Variants in SPOCK2 observed in about 807,000 individuals in gnomAD.
SPOCK2 encodes testican-2.
A neutral mutation model predicts 60.1 loss-of-function variants in SPOCK2; 39 were observed. The ratio of observed to expected loss-of-function variants is 0.65; its 90% CI spans 0.50 to 0.85. The LOEUF is 0.85. SPOCK2 is among the 40% of genes least tolerant of loss of function. The pLI, the probability that SPOCK2 is intolerant of heterozygous loss-of-function variation, is 0.00. For missense variants in SPOCK2, 523 were observed against 567.4 expected (o/e 0.92, Z 0.80); for synonymous variants, 217 against 231.5 (o/e 0.94, Z 0.57).
rs1840507496 is a variant in SPOCK2 at position 72,062,686 on chromosome 10, C to T, written c.*74G>A. On this transcript the variant is annotated 3_prime_UTR_variant, in exon 11 of 11. Coordinates refer to ENST00000373109, the MANE Select transcript of SPOCK2 (RefSeq NM_001244950.2). The surrounding 1 kb of genome is among the most constrained non-coding windows in gnomAD (Gnocchi z 4.3). ...GTCCTTCTGACTGCATTTCTGGATC[C>T]GTTCTCGAAGTTGCCTGCTGCTGCT... The T allele has an allele frequency of 7.8e-6, 12 of 1,532,416 alleles. No individual in the cohort carries two copies. Among genetic ancestry groups the T allele is most frequent in the South Asian group, 4.9e-5 (4 of 81,052 alleles). 94.9% of individuals were successfully genotyped at this position (1,532,416 alleles called of 1,614,324 possible).
Position 72,070,510 on chromosome 10 carries a change from C to A in SPOCK2, c.360-84G>T, listed in dbSNP as rs986210412. 12 of 1,323,358 alleles carry A rather than the reference C, an allele frequency of 9.1e-6. No homozygotes were observed. The African/African-American group carries it at 1.4e-4, about 16-fold the overall frequency. 82.0% of individuals were successfully genotyped at this position (1,323,358 alleles called of 1,614,324 possible). On this transcript the variant is annotated intron_variant, in intron 4 of 10. Coordinates refer to ENST00000373109, the MANE Select transcript of SPOCK2 (RefSeq NM_001244950.2). ...GAAGGGAGGGCTGAGCAGACCTGTT[C>A]CAACAGGAAGGCAGCAGCAATCTTC...
intron 1 of SPOCK2, among the ~76,000 whole-genome samples, chr10:72,083,405 T>G (rs2131823484): frequency 6.6e-6 from 1 of 152,268 alleles, no homozygotes; most frequent in Non-Finnish European, 1.5e-5. Context: ...CCCAGAAAGG[T>G]GAAGTGGCTG....
chr10:72,086,977 G>A, intron 1 of SPOCK2: 1 of 1,551,606 alleles, frequency 6.4e-7, no homozygotes, highest in Non-Finnish European at 8.7e-7. Flanking sequence ...GTACTGGGTG[G>A]GTCGGACGAG....
intron 5 of SPOCK2, chr10:72,070,045 A>G (rs768627743): frequency 4.2e-5 from 16 of 380,962 alleles, no homozygotes; most frequent in Non-Finnish European, 7.2e-5. Context: ...CAGTTACCTG[A>G]CCATAGTGTC....
rs1008372548 is a variant in SPOCK2 at position 72,068,386 on chromosome 10, G to A, written c.475-85C>T. 57 of 1,388,284 alleles carry A rather than the reference G, an allele frequency of 4.1e-5. No homozygotes were observed. The Admixed American group carries it at 7.8e-4, about 19-fold the overall frequency. The allele number at this position is 1,388,284 out of a possible 1,614,324, so 86.0% of individuals were successfully genotyped here. ...TGGGGACACCCTCAAGCCTCTCATGGCAGCCACATCTGCCTCCCCCCATGG... is the reference window on the plus strand; with the variant it reads ...TGGGGACACCCTCAAGCCTCTCATGACAGCCACATCTGCCTCCCCCCATGG... On this transcript the variant is annotated intron_variant, in intron 5 of 10. Transcript: ENST00000373109.
Position 72,062,840 on chromosome 10 carries a change from C to A in SPOCK2, c.1195G>T (p.Glu399Ter). ...GCCTCCTCGCCTGCTTCCTCCGTCTCCTTCTCCTCCTCATCCTCCCAGCCG... is the reference window on the plus strand; with the variant it reads ...GCCTCCTCGCCTGCTTCCTCCGTCTACTTCTCCTCCTCATCCTCCCAGCCG... Reference protein sequence around the residue: ...GVGWEDEEEKETEEAGEEAEE... With the variant: ...GVGWEDEEEK Residue 399 changes from glutamate to a stop codon, truncating the protein, a stop_gained, in exon 11 of 11, where the codon GAG (glutamate) becomes TAG (stop). Transcript: ENST00000373109. LOFTEE classifies it high-confidence loss of function. The surrounding 1 kb of genome is among the most constrained non-coding windows in gnomAD (Gnocchi z 4.3). 1 of 1,608,358 alleles carries A rather than the reference C, an allele frequency of 6.2e-7. No individual in the cohort carries two copies.
At chr10:72,086,948 T>A in intron 1 of SPOCK2, 1 of 1,551,416 alleles carries the variant, frequency 6.4e-7, no homozygotes, top group East Asian at 2.4e-5. Context: ...ACGGGAGAGG[T>A]CATGGTGTGG....
At position 72,059,879 on chromosome 10, in the gene SPOCK2, C is replaced by T. The variant is rs183263944; in HGVS notation, c.*2881G>A. The stretch of plus-strand genomic sequence containing the variant: ...AACCTACCAGATCTGACATCCACCT[C>T]CCCCAGCACCCATGGGCCAAGGAGG... On this transcript the variant is annotated 3_prime_UTR_variant, in exon 11 of 11. Transcript: ENST00000373109. 1.3e-4 allele frequency: 20 copies of T among 153,034 alleles called. No homozygotes were observed. Among genetic ancestry groups the T allele is most frequent in the African/African-American group, 4.8e-4 (20 of 41,576 alleles). 9.5% of individuals were successfully genotyped at this position (153,034 alleles called of 1,614,324 possible).
In SPOCK2 at chr10:72,070,304, C is replaced by G; in HGVS notation, c.474+8G>C. 1 of 1,613,780 alleles carries G rather than the reference C, an allele frequency of 6.2e-7. No individual in the cohort carries two copies. Among genetic ancestry groups the G allele is most frequent in the Non-Finnish European group, 8.5e-7 (1 of 1,179,770 alleles). ...ACCCCCACCCTACCTGGGGCCTGGG[C>G]TCCTCACCACAGAGCTGTAAGTGTG... On this transcript the variant is annotated splice_region_variant and intron_variant, in intron 5 of 10. Transcript: ENST00000373109.
rs1177990342 is a variant in SPOCK2 at position 72,070,520 on chromosome 10, G to C, written c.360-94C>G. 7 of 1,207,956 alleles carry C rather than the reference G, an allele frequency of 5.8e-6. No homozygotes were observed. In the African/African-American group the frequency reaches 1.0e-4, roughly 18 times the overall value. The allele number at this position is 1,207,956 out of a possible 1,614,324, so 74.8% of individuals were successfully genotyped here. ...CTGAGCAGACCTGTTCCAACAGGAA[G>C]GCAGCAGCAATCTTCAGCAGATCAG... is the stretch of plus-strand genomic sequence containing the variant. On this transcript the variant is annotated intron_variant, in intron 4 of 10. Coordinates refer to ENST00000373109, the MANE Select transcript of SPOCK2 (RefSeq NM_001244950.2).
chr10:72,070,750 C>T (rs1490233472), intron 4 of SPOCK2, among the ~76,000 whole-genome samples: 1 of 152,030 alleles, frequency 6.6e-6, no homozygotes, highest in African/African-American at 2.4e-5. Flanking sequence ...GGGGTCAGAC[C>T]AAATCTGAGG....
intron 1 of SPOCK2, among the ~76,000 whole-genome samples, chr10:72,077,949 G>A (rs978132838): frequency 1.2e-4 from 18 of 152,162 alleles, no homozygotes; most frequent in African/African-American, 3.4e-4. Context: ...TCTTCCACAC[G>A]GCTGCGGCCA....
In SPOCK2 at chr10:72,087,136, G is replaced by T; in HGVS notation, c.189+1004C>A. Reference sequence around the variant, plus strand: ...CCCACAGCACCCCCAACGATCTCGGGGTCCAGCCACACCCTCCGCCCGCCC... The same window carrying T: ...CCCACAGCACCCCCAACGATCTCGGTGTCCAGCCACACCCTCCGCCCGCCC... On this transcript the variant is annotated intron_variant, in intron 1 of 10. Coordinates refer to ENST00000373109, the MANE Select transcript of SPOCK2 (RefSeq NM_001244950.2). This position sits in a 1 kb window ranked among gnomAD's most constrained non-coding sequence, Gnocchi z 4.7. 1 of 920,016 alleles carries T rather than the reference G, an allele frequency of 1.1e-6. No individual in the cohort carries two copies. The highest frequency in any genetic ancestry group is 1.6e-6 in the Non-Finnish European group (1 of 634,120). 57.0% of individuals were successfully genotyped at this position (920,016 alleles called of 1,614,324 possible). A position where few individuals can be genotyped will look rare whatever the true frequency, so the allele number is the denominator to read the frequency against.
Position 72,063,307 on chromosome 10 carries a change from CCAGATGCTGAGAGCTGGACACCAGCCAG to C in SPOCK2, c.992-173_992-146del, listed in dbSNP as rs1442018512. On this transcript the variant is annotated intron_variant, in intron 9 of 10. Coordinates refer to ENST00000373109, the MANE Select transcript of SPOCK2 (RefSeq NM_001244950.2). ...ACCGGGTGCTGACCCCCCAACAGGC[CCAGATGCTGAGAGCTGGACACCAGCCAG>C]CAATTCTTTCGGCTCTACTCGCTGG... is the stretch of plus-strand genomic sequence containing the variant. The C allele has an allele frequency of 4.6e-5, 56 of 1,222,048 alleles. No individual in the cohort carries two copies. In the African/African-American group the frequency reaches 8.5e-4, roughly 19 times the overall value. 75.7% of individuals were successfully genotyped at this position (1,222,048 alleles called of 1,614,324 possible).
Position 72,061,896 on chromosome 10 carries a change from C to A in SPOCK2, c.*864G>T. On this transcript the variant is annotated 3_prime_UTR_variant, in exon 11 of 11. Coordinates refer to ENST00000373109, the MANE Select transcript of SPOCK2 (RefSeq NM_001244950.2). ...CTCCCCCAGGCTCTGCAGCCACAGCCTCCTCCTGCTGAGCCGACCCCCTCT... is the reference window on the plus strand; with the variant it reads ...CTCCCCCAGGCTCTGCAGCCACAGCATCCTCCTGCTGAGCCGACCCCCTCT... 1 of 153,908 alleles carries A rather than the reference C, an allele frequency of 6.5e-6. No homozygotes were observed. The highest frequency in any genetic ancestry group is 1.4e-5 in the Non-Finnish European group (1 of 69,182). 9.5% of individuals were successfully genotyped at this position (153,908 alleles called of 1,614,324 possible). A position where few individuals can be genotyped will look rare whatever the true frequency, so the allele number is the denominator to read the frequency against.
intron 1 of SPOCK2, among the ~76,000 whole-genome samples, chr10:72,073,661 C>G (rs1341339332): frequency 1.3e-5 from 2 of 152,226 alleles, no homozygotes; most frequent in East Asian, 3.9e-4. Context: ...ATGCCCAGCA[C>G]AGACCACTTT....
Position 72,088,419 on chromosome 10 carries a change from T to C in SPOCK2, c.-91A>G. 1 of 1,394,314 alleles carries C rather than the reference T, an allele frequency of 7.2e-7. No individual in the cohort carries two copies. Among genetic ancestry groups the C allele is most frequent in the Non-Finnish European group, 9.4e-7 (1 of 1,062,906 alleles). 86.4% of individuals were successfully genotyped at this position (1,394,314 alleles called of 1,614,324 possible). ...CCGCTGCTGGCGAAGCGCACGCGGCTGTCCTCAGCTCTCCTCCCGCGGTCT... is the reference window on the plus strand; with the variant it reads ...CCGCTGCTGGCGAAGCGCACGCGGCCGTCCTCAGCTCTCCTCCCGCGGTCT... On this transcript the variant is annotated 5_prime_UTR_variant, in exon 1 of 11. Transcript: ENST00000373109.
rs1300611501 is a variant in SPOCK2 at position 72,059,087 on chromosome 10, C to T, written c.*3673G>A. On this transcript the variant is annotated 3_prime_UTR_variant, in exon 11 of 11. Transcript: ENST00000373109. Reference sequence around the variant, plus strand: ...TTTCTTAAAAATAACATTTGATTTCCTTTATGCATGTGTGGAGTGTACTTG... The same window carrying T: ...TTTCTTAAAAATAACATTTGATTTCTTTTATGCATGTGTGGAGTGTACTTG... 2.0e-5 allele frequency: 3 copies of T among 152,518 alleles called. No individual in the cohort carries two copies. The highest frequency in any genetic ancestry group is 7.3e-5 in the African/African-American group (3 of 41,362). 9.4% of individuals were successfully genotyped at this position (152,518 alleles called of 1,614,324 possible). A position where few individuals can be genotyped will look rare whatever the true frequency, so the allele number is the denominator to read the frequency against.
upstream of SPOCK2, chr10:72,088,603 ACAT>A: frequency 2.7e-6 from 1 of 373,510 alleles, no homozygotes; most frequent in Non-Finnish European, 4.8e-6. Context: ...ATCACGTTTG[ACAT>A]CATCATACCT....
Sources: gnomAD v4.1 joint callset for allele counts (sites outside exome capture counted in the v4.1 genomes callset) on GRCh38, gnomAD v4.1.1 for gene constraint, Gnocchi (gnomAD v3.1) non-coding constraint, MANE v1.5 for transcripts, NCBI Gene and HGNC (gene_info 2026-07-23, HGNC 2026-07-21) for gene names.